The following CCSER1 variants were observed in gnomAD, a reference collection of about 807,000 sequenced individuals.
CCSER1 encodes coiled-coil serine rich protein 1, also known as serine-rich coiled-coil domain-containing protein 1.
A neutral mutation model predicts 82.0 loss-of-function variants in CCSER1; 41 were observed. The observed-to-expected ratio is 0.50, with a 90% CI of 0.39 to 0.65. The LOEUF is 0.65. Among genes scored for constraint, CCSER1 ranks in the 30% least tolerant of loss-of-function variants. The probability of loss-of-function intolerance (pLI) is 0.00; values close to 1 mark genes in which losing one functional copy is unlikely to be tolerated. For missense variants in CCSER1, 1,119 were observed against 1,064.2 expected (o/e 1.05, Z -0.72); for synonymous variants, 414 against 383.9 (o/e 1.08, Z -0.92).
chr4:91,459,770 C>T (rs1477517712), intron 10 of CCSER1, among the ~76,000 whole-genome samples: 1 of 152,140 alleles, frequency 6.6e-6, no homozygotes, highest in Non-Finnish European at 1.5e-5. Flanking sequence ...ACTTCAAGGA[C>T]TACTCTTTCC....
intron 5 of CCSER1, among the ~76,000 whole-genome samples, chr4:90,605,470 CTT>C (rs1784579443): frequency 6.6e-6 from 1 of 152,108 alleles, no homozygotes; most frequent in Non-Finnish European, 1.5e-5. Context: ...TCAAAATAAA[CTT>C]AGAAAGTTTT....
intron 6 of CCSER1, among the ~76,000 whole-genome samples, chr4:90,658,813 T>G (rs537591929): frequency 6.6e-6 from 1 of 152,352 alleles, no homozygotes; most frequent in South Asian, 2.1e-4. Flanking sequence ...GAATGTAATT[T>G]AGTATGGGAC....
chr4:90,470,141 T>A, intron 5 of CCSER1, among the ~76,000 whole-genome samples: 1 of 152,172 alleles, frequency 6.6e-6, no homozygotes, highest in East Asian at 1.9e-4. Flanking sequence ...ATCATTTTTC[T>A]TTTTTTAAAA....
chr4:90,314,528 C>A (rs1735828390), intron 3 of CCSER1, among the ~76,000 whole-genome samples: 1 of 152,118 alleles, frequency 6.6e-6, no homozygotes. Flanking sequence ...TTTCATACTG[C>A]ATTTAATTTA....
At chr4:90,221,183 T>A (rs761227282) in intron 1 of CCSER1, among the ~76,000 whole-genome samples, 1 of 152,112 alleles carries the variant, frequency 6.6e-6, no homozygotes, top group Non-Finnish European at 1.5e-5. Context: ...TAAACTATTA[T>A]AAGTTTCCGT....
intron 3 of CCSER1, among the ~76,000 whole-genome samples, chr4:90,329,923 A>T (rs1323976625): frequency 7.2e-5 from 11 of 152,290 alleles, no homozygotes; most frequent in Admixed American, 4.6e-4. Flanking sequence ...TAACTTATAT[A>T]ATAACTCGAT....
At chr4:90,165,206 C>T (rs1372575116) in intron 1 of CCSER1, among the ~76,000 whole-genome samples, 1 of 152,058 alleles carries the variant, frequency 6.6e-6, no homozygotes, top group African/African-American at 2.4e-5. Flanking sequence ...TTTCACTATA[C>T]ACAATAGCTG....
At chr4:91,001,388 G>T (rs538282419) in intron 9 of CCSER1, among the ~76,000 whole-genome samples, 1 of 152,098 alleles carries the variant, frequency 6.6e-6, no homozygotes, top group Admixed American at 6.5e-5. Context: ...TTGTATCTTT[G>T]GCAGGTTTGG....
intron 10 of CCSER1, among the ~76,000 whole-genome samples, chr4:91,236,612 G>C (rs991151050): frequency 1.3e-5 from 2 of 152,068 alleles, no homozygotes; most frequent in African/African-American, 4.8e-5. Flanking sequence ...CCTAATAAAT[G>C]GTGGCTCCTT....
chr4:90,839,013 C>T, intron 8 of CCSER1: 1 of 1,612,590 alleles, frequency 6.2e-7, no homozygotes, highest in Non-Finnish European at 8.5e-7. Context: ...TTCTCGATCT[C>T]AGCCATATCG....
chr4:90,780,801 T>A, intron 7 of CCSER1: 9 of 1,111,758 alleles, frequency 8.1e-6, no homozygotes, highest in Non-Finnish European at 9.9e-6. Context: ...TTTCCATATA[T>A]GCGTGATCTT....
chr4:90,504,068 A>G (rs1217194675), intron 5 of CCSER1, among the ~76,000 whole-genome samples: 3 of 152,000 alleles, frequency 2.0e-5, no homozygotes, highest in Non-Finnish European at 4.4e-5. Flanking sequence ...CTGATTTTTT[A>G]TCTTTTTCAC....
chr4:91,351,543 A>G (rs1427467124), intron 10 of CCSER1, among the ~76,000 whole-genome samples: 1 of 152,128 alleles, frequency 6.6e-6, no homozygotes, highest in Non-Finnish European at 1.5e-5. Flanking sequence ...TACTTATAAA[A>G]TAAATTTTAC....
chr4:90,719,428 G>T (rs1465363600), intron 6 of CCSER1, among the ~76,000 whole-genome samples: 1 of 152,026 alleles, frequency 6.6e-6, no homozygotes, highest in African/African-American at 2.4e-5. Context: ...TAGAAATAAC[G>T]TGCACAATAA....
intron 6 of CCSER1, among the ~76,000 whole-genome samples, chr4:90,719,003 G>C (rs1252969799): frequency 2.6e-5 from 4 of 151,908 alleles, no homozygotes; most frequent in African/African-American, 9.7e-5. Context: ...TGTTATTCCC[G>C]AGTCACATTC....
At chr4:90,899,354 G>A (rs915412064) in intron 8 of CCSER1, among the ~76,000 whole-genome samples, 4 of 151,876 alleles carry the variant, frequency 2.6e-5, no homozygotes, top group Admixed American at 2.0e-4. Context: ...ATTTTTTGGA[G>A]GAATCTTTAG....
chr4:91,287,474 G>A (rs1230804807), intron 10 of CCSER1, among the ~76,000 whole-genome samples: 1 of 151,742 alleles, frequency 6.6e-6, no homozygotes, highest in African/African-American at 2.4e-5. Flanking sequence ...TCTTTGCCAG[G>A]CTTATAAACA....
intron 6 of CCSER1, among the ~76,000 whole-genome samples, chr4:90,665,736 T>C (rs1194126590): frequency 6.6e-5 from 10 of 152,210 alleles, no homozygotes; most frequent in Admixed American, 6.5e-4. Context: ...TTATTGCTGC[T>C]GTAACAAATT....
At chr4:90,942,378 C>A (rs1467088702) in intron 9 of CCSER1, among the ~76,000 whole-genome samples, 7 of 152,060 alleles carry the variant, frequency 4.6e-5, no homozygotes, top group African/African-American at 1.7e-4. Context: ...TCTCTTACAC[C>A]AAATCGTACT....
Sources: allele counts gnomAD v4.1 joint callset (sites outside exome capture counted in the v4.1 genomes callset), GRCh38; gene constraint gnomAD v4.1.1; transcripts MANE v1.5; gene names NCBI Gene and HGNC (gene_info 2026-07-23, HGNC 2026-07-21).